GRIP1: variants seen among roughly 807,000 people sequenced by gnomAD.
The protein encoded by GRIP1 is glutamate receptor-interacting protein 1.
In GRIP1, 45 loss-of-function variants were observed where a neutral mutation model predicts 129.9. That is an observed-to-expected ratio of 0.35 (90% CI 0.27 to 0.44). The LOEUF is 0.44. Ranked by LOEUF, GRIP1 falls within the 20% of genes least tolerant of loss-of-function variation. GRIP1 has a pLI of 1.00. For synonymous variants in GRIP1, 530 were observed against 520.8 expected (o/e 1.02, Z -0.24); for missense variants, 1,196 against 1,396.8 (o/e 0.86, Z 2.29).
intron 1 of GRIP1, among the ~76,000 whole-genome samples, chr12:66,876,845 T>G (rs2040392061): frequency 6.6e-6 from 1 of 152,090 alleles, no homozygotes; most frequent in Non-Finnish European, 1.5e-5. Flanking sequence ...GGAAAAATTT[T>G]TTCATGTTCT....
At chr12:66,580,312 T>C (rs2063324720) in intron 2 of GRIP1, among the ~76,000 whole-genome samples, 1 of 149,704 alleles carries the variant, frequency 6.7e-6, no homozygotes, top group Non-Finnish European at 1.5e-5. Flanking sequence ...CATGCCAAAA[T>C]GTAAAGACCA....
chr12:66,670,289 T>G (rs2034015585), intron 1 of GRIP1, among the ~76,000 whole-genome samples: 1 of 152,212 alleles, frequency 6.6e-6, no homozygotes, highest in South Asian at 2.1e-4. Context: ...GAGAGATCAG[T>G]TAGCCCTTAG....
At chr12:66,732,538 G>T (rs879653151) in intron 1 of GRIP1, among the ~76,000 whole-genome samples, 3 of 151,272 alleles carry the variant, frequency 2.0e-5, no homozygotes, top group African/African-American at 7.3e-5. Context: ...GGGCGACACC[G>T]TCTCAAAACA....
intron 2 of GRIP1, among the ~76,000 whole-genome samples, chr12:66,589,194 TTCTCTCTC>T (rs10582806): frequency 2.9e-4 from 28 of 95,630 alleles, no homozygotes; most frequent in African/African-American, 8.6e-4. Flanking sequence ...CTCCCCCACC[TTCTCTCTC>T]TCTCTCTCTC....
chr12:66,912,852 A>G (rs1467625986), intron 1 of GRIP1, among the ~76,000 whole-genome samples: 1 of 152,208 alleles, frequency 6.6e-6, no homozygotes, highest in Non-Finnish European at 1.5e-5. Flanking sequence ...TAGAAAAGGC[A>G]TGACTATTAT....
intron 1 of GRIP1, among the ~76,000 whole-genome samples, chr12:66,966,646 C>G (rs971560291): frequency 8.5e-5 from 13 of 152,224 alleles, no homozygotes; most frequent in African/African-American, 3.1e-4. Context: ...ATGACCTTAA[C>G]AGATTTGAGG....
At chr12:66,759,198 C>T (rs752930139) in intron 1 of GRIP1, among the ~76,000 whole-genome samples, 1 of 152,204 alleles carries the variant, frequency 6.6e-6, no homozygotes, top group Non-Finnish European at 1.5e-5. Context: ...CAAATTTTGA[C>T]TTCTGTGCAC....
intron 1 of GRIP1, among the ~76,000 whole-genome samples, chr12:66,597,721 T>C (rs2064111425): frequency 6.6e-6 from 1 of 152,010 alleles, no homozygotes; most frequent in Non-Finnish European, 1.5e-5. Context: ...GACAAGATCA[T>C]GGAGACAATG....
intron 11 of GRIP1, among the ~76,000 whole-genome samples, chr12:66,448,255 C>T (rs984869413): frequency 2.6e-5 from 4 of 152,038 alleles, no homozygotes; most frequent in African/African-American, 9.7e-5. Context: ...ACAGGACCAT[C>T]ATTTTTATTG....
intron 1 of GRIP1, among the ~76,000 whole-genome samples, chr12:66,995,520 A>T (rs907242458): frequency 3.9e-5 from 6 of 152,160 alleles, no homozygotes; most frequent in Admixed American, 6.5e-5. Flanking sequence ...AATAATAAAA[A>T]TGGGTAAATA....
chr12:66,852,125 C>A (rs988408589), intron 1 of GRIP1, among the ~76,000 whole-genome samples: 10 of 151,968 alleles, frequency 6.6e-5, no homozygotes, highest in African/African-American at 2.4e-4. Flanking sequence ...TGAGTTAAGG[C>A]TGTAAAGAAA....
intron 1 of GRIP1, among the ~76,000 whole-genome samples, chr12:66,918,165 G>C (rs946025748): frequency 6.6e-6 from 1 of 151,984 alleles, no homozygotes; most frequent in Admixed American, 6.6e-5. Context: ...AAAAGCCTGA[G>C]ATCCAGGAGA....
rs77473832 is a variant in GRIP1 at position 66,507,165 on chromosome 12, G to A, written c.724+8454C>T. On this transcript the variant is annotated intron_variant, in intron 7 of 24. Coordinates refer to ENST00000359742, the MANE Select transcript of GRIP1 (RefSeq NM_001366722.1). ...GAAACTGATAAAGTATGGGCCATGC[G>A]TGGTGGCTCACGCCTGTAATCCCAG... Among the ~76,000 whole-genome samples the A allele has an allele frequency of 1.3e-4, 20 of 152,304 alleles. No individual in the cohort carries two copies. The East Asian group carries it at 2.9e-3, about 22-fold the overall frequency.
At chr12:66,417,611 A>G (rs2057654209) in intron 15 of GRIP1, among the ~76,000 whole-genome samples, 1 of 152,210 alleles carries the variant, frequency 6.6e-6, no homozygotes, top group East Asian at 1.9e-4. Context: ...TTCAAAATAA[A>G]TAATACAAAA....
intron 2 of GRIP1, among the ~76,000 whole-genome samples, chr12:66,572,408 G>A (rs1406590535): frequency 6.6e-6 from 1 of 152,138 alleles, no homozygotes; most frequent in Non-Finnish European, 1.5e-5. Context: ...AAGGTAAAGT[G>A]TGTTTCCTTC....
At chr12:67,037,055 G>T (rs1345566336) in intron 1 of GRIP1, among the ~76,000 whole-genome samples, 1 of 152,088 alleles carries the variant, frequency 6.6e-6, no homozygotes, top group Non-Finnish European at 1.5e-5. Flanking sequence ...ACTCAGGCCA[G>T]GCGCAGTGGC....
At chr12:66,934,665 T>C (rs2041455561) in intron 1 of GRIP1, among the ~76,000 whole-genome samples, 1 of 152,236 alleles carries the variant, frequency 6.6e-6, no homozygotes, top group African/African-American at 2.4e-5. Context: ...AAGTTCTGTC[T>C]ACCATGGAAT....
intron 1 of GRIP1, among the ~76,000 whole-genome samples, chr12:67,060,218 C>A (rs1391678867): frequency 1.3e-5 from 2 of 152,050 alleles, no homozygotes; most frequent in Non-Finnish European, 2.9e-5. Context: ...GTGTTCATGC[C>A]TAGGAAAGAC....
intron 2 of GRIP1, among the ~76,000 whole-genome samples, chr12:66,584,087 G>T (rs2063514655): frequency 1.3e-5 from 2 of 149,776 alleles, no homozygotes; most frequent in African/African-American, 4.9e-5. Flanking sequence ...CATAAAAAAG[G>T]ATGAGTTCAT....
Sources: gnomAD v4.1 joint callset for allele counts (sites outside exome capture counted in the v4.1 genomes callset) on GRCh38, gnomAD v4.1.1 for gene constraint, MANE v1.5 for transcripts, NCBI Gene and HGNC (gene_info 2026-07-23, HGNC 2026-07-21) for gene names.